CDK14: variants seen among roughly 807,000 people sequenced by gnomAD.
The protein encoded by CDK14 is cyclin-dependent kinase 14.
Under a neutral mutation model 60.7 loss-of-function variants are expected in CDK14, and 34 were observed. The ratio of observed to expected loss-of-function variants is 0.56; its 90% CI spans 0.43 to 0.75. The LOEUF (loss-of-function observed/expected upper bound fraction) is 0.75, where lower values mean the gene tolerates loss of function less well. Among genes scored for constraint, CDK14 ranks in the 30% least tolerant of loss-of-function variants. The pLI, the probability that CDK14 is intolerant of heterozygous loss-of-function variation, is 0.00. For synonymous variants in CDK14, 197 were observed against 203.7 expected (o/e 0.97, Z 0.28); for missense variants, 482 against 564.1 (o/e 0.85, Z 1.47).
At chr7:91,082,609 CA>C (rs1179581470) in intron 12 of CDK14, among the ~76,000 whole-genome samples, 1 of 152,060 alleles carries the variant, frequency 6.6e-6, no homozygotes, top group Non-Finnish European at 1.5e-5. Context: ...TTGAATGTAC[CA>C]GCAGAGTCTC....
intron 3 of CDK14, among the ~76,000 whole-genome samples, chr7:90,741,093 G>A (rs962530080): frequency 6.6e-6 from 1 of 152,132 alleles, no homozygotes. Context: ...TGAATGCTTG[G>A]TTAGGAAATG....
chr7:90,817,435 A>C (rs1789393829), intron 5 of CDK14, among the ~76,000 whole-genome samples: 1 of 152,092 alleles, frequency 6.6e-6, no homozygotes, highest in African/African-American at 2.4e-5. Context: ...TGAGCTTGAC[A>C]CTCTTTCCTT....
At chr7:90,751,487 A>T (rs1373755085) in intron 4 of CDK14, among the ~76,000 whole-genome samples, 1 of 152,162 alleles carries the variant, frequency 6.6e-6, no homozygotes, top group Non-Finnish European at 1.5e-5. Context: ...ATTTCTTACC[A>T]CTAGATCAGC....
chr7:90,796,866 A>G (rs1371325399), intron 5 of CDK14, among the ~76,000 whole-genome samples: 2 of 151,944 alleles, frequency 1.3e-5, no homozygotes, highest in African/African-American at 2.4e-5. Context: ...TGAACCATGT[A>G]TAACATTTTT....
At chr7:90,830,471 T>C (rs1425231657) in intron 5 of CDK14, among the ~76,000 whole-genome samples, 2 of 152,216 alleles carry the variant, frequency 1.3e-5, no homozygotes, top group Non-Finnish European at 2.9e-5. Flanking sequence ...TTTTCCCTCC[T>C]AGGCTTCTGG....
intron 14 of CDK14, among the ~76,000 whole-genome samples, chr7:91,184,086 T>A (rs767324526): frequency 2.6e-5 from 4 of 151,226 alleles, no homozygotes; most frequent in Non-Finnish European, 5.9e-5. Flanking sequence ...ATAGACATAA[T>A]CCCAGCTACT....
chr7:90,849,358 A>G (rs1352902436), intron 5 of CDK14, among the ~76,000 whole-genome samples: 2 of 152,032 alleles, frequency 1.3e-5, no homozygotes, highest in African/African-American at 2.4e-5. Flanking sequence ...TATAGCCTGT[A>G]GAATTGTGAA....
intron 12 of CDK14, among the ~76,000 whole-genome samples, chr7:91,096,300 T>A (rs1798989847): frequency 6.6e-6 from 1 of 152,162 alleles, no homozygotes; most frequent in Admixed American, 6.5e-5. Context: ...CTATCTCTGA[T>A]CACTGGCTCT....
intron 11 of CDK14, among the ~76,000 whole-genome samples, chr7:91,071,380 C>T (rs1388221013): frequency 5.3e-5 from 8 of 152,142 alleles, no homozygotes; most frequent in Admixed American, 1.3e-4. Context: ...GCATGATCCA[C>T]CGAGAGGAAG....
At chr7:90,816,364 A>C (rs541394326) in intron 5 of CDK14, among the ~76,000 whole-genome samples, 1 of 151,778 alleles carries the variant, frequency 6.6e-6, no homozygotes, top group African/African-American at 2.4e-5. Flanking sequence ...TCTAATGAAA[A>C]CTCGAGCTGC....
At chr7:90,736,533 C>T (rs370387984) in intron 3 of CDK14, among the ~76,000 whole-genome samples, 2 of 151,626 alleles carry the variant, frequency 1.3e-5, no homozygotes, top group Non-Finnish European at 2.9e-5. Context: ...CTTATAGACA[C>T]GGGTGTTATT....
intron 5 of CDK14, among the ~76,000 whole-genome samples, chr7:90,827,869 T>C (rs1312520027): frequency 2.0e-5 from 3 of 152,252 alleles, no homozygotes; most frequent in African/African-American, 7.2e-5. Context: ...AAAGCTTTTC[T>C]TGTAAACCCA....
intron 14 of CDK14, among the ~76,000 whole-genome samples, chr7:91,127,819 C>G (rs1799999238): frequency 6.6e-6 from 1 of 152,068 alleles, no homozygotes; most frequent in Non-Finnish European, 1.5e-5. Flanking sequence ...GGAAATTAAT[C>G]TGCAGTTTAT....
chr7:90,655,490 C>T (rs1800733095), intron 2 of CDK14, among the ~76,000 whole-genome samples: 2 of 152,090 alleles, frequency 1.3e-5, no homozygotes, highest in African/African-American at 4.8e-5. Flanking sequence ...TACTGACTTC[C>T]TTGCCAGACA....
intron 10 of CDK14, among the ~76,000 whole-genome samples, chr7:91,044,898 G>A (rs992698678): frequency 6.6e-6 from 1 of 152,114 alleles, no homozygotes. Context: ...AGTTTTCTGC[G>A]GGTTCTTTGA....
At chr7:90,810,500 C>A (rs1156919350) in intron 5 of CDK14, among the ~76,000 whole-genome samples, 4 of 152,284 alleles carry the variant, frequency 2.6e-5, no homozygotes, top group East Asian at 3.9e-4. Flanking sequence ...CTATGACAAA[C>A]CCACAGCCAA....
chr7:91,064,991 A>G (rs1797934211), intron 11 of CDK14, among the ~76,000 whole-genome samples: 1 of 151,356 alleles, frequency 6.6e-6, no homozygotes, highest in South Asian at 2.1e-4. Context: ...TGGCGACCTC[A>G]TCTGGGAACA....
At chr7:91,076,242 CAAAAAAAAAAAAAAAAAA>C (rs564729987) in intron 11 of CDK14, among the ~76,000 whole-genome samples, 35 of 28,800 alleles carry the variant, frequency 1.2e-3, no homozygotes, top group East Asian at 0.011. Context: ...CTACAGTAAC[CAAAAAAAAAAAAAAAAAA>C]AAAAAAAAAA....
intron 9 of CDK14, among the ~76,000 whole-genome samples, chr7:90,975,555 A>G (rs1441807454): frequency 6.6e-6 from 1 of 151,446 alleles, no homozygotes; most frequent in Non-Finnish European, 1.5e-5. Context: ...TTAATAATAT[A>G]TATAGTATAT....
Sources: allele counts gnomAD v4.1 joint callset (sites outside exome capture counted in the v4.1 genomes callset), GRCh38; gene constraint gnomAD v4.1.1; transcripts MANE v1.5; gene names NCBI Gene and HGNC (gene_info 2026-07-23, HGNC 2026-07-21).